The following ANKRD12 variants were observed in gnomAD, a reference collection of about 807,000 sequenced individuals.
The protein encoded by ANKRD12 is ankyrin repeat domain-containing protein 12.
In ANKRD12, 85 loss-of-function variants were observed where a neutral mutation model predicts 183.4. The ratio of observed to expected loss-of-function variants is 0.46; its 90% CI spans 0.39 to 0.56. The LOEUF is 0.56. Ranked by LOEUF, ANKRD12 falls within the 20% of genes least tolerant of loss-of-function variation. ANKRD12 has a pLI of 0.00. For synonymous variants in ANKRD12, 914 were observed against 800.2 expected (o/e 1.14, Z -2.40); for missense variants, 2,405 against 2,357.1 (o/e 1.02, Z -0.42).
At chr18:9,265,891 G>T (rs1290299620) in intron 10 of ANKRD12, among the ~76,000 whole-genome samples, 1 of 152,062 alleles carries the variant, frequency 6.6e-6, no homozygotes, top group Non-Finnish European at 1.5e-5. Flanking sequence ...TAGACGAATG[G>T]CTAACTAGAA....
At chr18:9,150,287 C>A (rs563005124) in intron 1 of ANKRD12, among the ~76,000 whole-genome samples, 1 of 152,062 alleles carries the variant, frequency 6.6e-6, no homozygotes, top group Non-Finnish European at 1.5e-5. Context: ...TATCTCGTTT[C>A]GTCTACCACT....
In ANKRD12 at chr18:9,280,943, C is replaced by G; in HGVS notation, c.6006C>G (p.Thr2002=). ...DVDDKFDKLK[T]CLLMRQQHEA... ...AACTCTTCTCTTCTTTTAAATAGAC[C>G]TGTCTTTTAATGAGGCAACAACATG... The change falls in exon 13 of 13, where the codon ACC becomes ACG. Residue 2002 remains threonine, a splice_region_variant and synonymous_variant. Transcript: ENST00000262126. 2 of 1,607,804 alleles carry G rather than the reference C, an allele frequency of 1.2e-6. No individual in the cohort carries two copies. Among genetic ancestry groups the G allele is most frequent in the Non-Finnish European group, 8.5e-7 (1 of 1,178,422 alleles).
At position 9,256,921 on chromosome 18, in the gene ANKRD12, T is replaced by C; in HGVS notation, c.3654T>C (p.Thr1218=). 2 of 1,614,096 alleles carry C rather than the reference T, an allele frequency of 1.2e-6. No homozygotes were observed. Among genetic ancestry groups the C allele is most frequent in the Non-Finnish European group, 1.7e-6 (2 of 1,179,990 alleles). ...SVASSEDSCH[T]TVTTPRPPVE... Reference sequence around the variant, plus strand: ...CTAGTTCAGAAGATTCCTGCCATACTACAGTGACAACCCCAAGGCCTCCAG... The same window carrying C: ...CTAGTTCAGAAGATTCCTGCCATACCACAGTGACAACCCCAAGGCCTCCAG... Residue 1218 remains threonine (T), a synonymous_variant, in exon 9 of 13, where the codon ACT becomes ACC. Coordinates refer to ENST00000262126, the MANE Select transcript of ANKRD12 (RefSeq NM_015208.5).
intron 6 of ANKRD12, among the ~76,000 whole-genome samples, chr18:9,214,003 A>T (rs1471615721): frequency 6.6e-6 from 1 of 152,030 alleles, no homozygotes; most frequent in Non-Finnish European, 1.5e-5. Flanking sequence ...CTTTTGTCAA[A>T]TAATTTAGCA....
At chr18:9,162,608 TC>T (rs1347800088) in intron 1 of ANKRD12, among the ~76,000 whole-genome samples, 1 of 152,166 alleles carries the variant, frequency 6.6e-6, no homozygotes, top group Non-Finnish European at 1.5e-5. Flanking sequence ...TGCCTCTAGA[TC>T]TTTGAGGAAT....
chr18:9,202,975 C>T (rs991048317), intron 3 of ANKRD12, among the ~76,000 whole-genome samples: 1 of 152,160 alleles, frequency 6.6e-6, no homozygotes, highest in African/African-American at 2.4e-5. Flanking sequence ...AGTTTATTCA[C>T]TGTGGTTTAA....
At chr18:9,224,063 A>G (rs1406672475) in intron 8 of ANKRD12, among the ~76,000 whole-genome samples, 1 of 152,236 alleles carries the variant, frequency 6.6e-6, no homozygotes, top group African/African-American at 2.4e-5. Context: ...TAGACAATAT[A>G]GCAGAATGAA....
intron 8 of ANKRD12, among the ~76,000 whole-genome samples, chr18:9,230,721 C>G (rs113170458): frequency 2.6e-5 from 4 of 151,608 alleles, no homozygotes; most frequent in African/African-American, 9.7e-5. Context: ...TGCAGTGGCA[C>G]GATCTCGGCT....
In ANKRD12 at chr18:9,284,976, G is replaced by A. The variant is rs370692105; in HGVS notation, c.*3850G>A. 5.3e-5 allele frequency: 8 copies of A among 152,356 alleles called. No homozygotes were observed. In the East Asian group the frequency reaches 9.6e-4, roughly 18 times the overall value. The allele number at this position is 152,356 out of a possible 1,614,324, so 9.4% of individuals were successfully genotyped here. A position where few individuals can be genotyped will look rare whatever the true frequency, so the allele number is the denominator to read the frequency against. On this transcript the variant is annotated 3_prime_UTR_variant, in exon 13 of 13. Transcript: ENST00000262126. ...AATCCCAGCACTTTGGGAGGCCAAG[G>A]CGGGCGGATCACGAGGTCAGGAGAT... is the stretch of plus-strand genomic sequence containing the variant.
At chr18:9,232,439 A>G (rs371055351) in intron 8 of ANKRD12, among the ~76,000 whole-genome samples, 13 of 152,216 alleles carry the variant, frequency 8.5e-5, no homozygotes, top group Admixed American at 3.9e-4. Flanking sequence ...TTATTTTCCT[A>G]TTATATCCTG....
At chr18:9,141,602 G>A (rs1024200896) in intron 1 of ANKRD12, among the ~76,000 whole-genome samples, 1 of 152,164 alleles carries the variant, frequency 6.6e-6, no homozygotes, top group African/African-American at 2.4e-5. Flanking sequence ...AGATTATGAA[G>A]CTGAAAGTTA....
At chr18:9,248,176 GA>G (rs1315775373) in intron 8 of ANKRD12, among the ~76,000 whole-genome samples, 2 of 152,170 alleles carry the variant, frequency 1.3e-5, no homozygotes, top group African/African-American at 4.8e-5. Flanking sequence ...TGAATGTTGG[GA>G]AGAAGAACTT....
rs759699486 is a variant in ANKRD12, at chr18:9,261,636, G to C, written c.5665-2154G>C. On this transcript the variant is annotated intron_variant, in intron 9 of 12. Coordinates refer to ENST00000262126, the MANE Select transcript of ANKRD12 (RefSeq NM_015208.5). ...CAAATTTGACAAAATGGTGTGAAAT[G>C]ATGACGACGAGAGTAATGGCAAAAC... Among the ~76,000 whole-genome samples, 9 of 152,314 alleles carry C rather than the reference G, an allele frequency of 5.9e-5. No homozygotes were observed. In the South Asian group the frequency reaches 1.2e-3, roughly 21 times the overall value.
intron 9 of ANKRD12, 33 bp downstream of exon 9, chr18:9,258,964 A>G: frequency 1.3e-6 from 2 of 1,550,626 alleles, no homozygotes. Flanking sequence ...ATACACCTGT[A>G]ACACTGCCCA....
chr18:9,268,939 T>C (rs1296901820), intron 10 of ANKRD12, among the ~76,000 whole-genome samples: 1 of 152,142 alleles, frequency 6.6e-6, no homozygotes, highest in African/African-American at 2.4e-5. Flanking sequence ...GGATGCAAAA[T>C]CAATGTGCAA....
At chr18:9,161,140 T>A (rs182197748) in intron 1 of ANKRD12, among the ~76,000 whole-genome samples, 1,749 of 152,130 alleles carry the variant, frequency 0.011, 16 homozygotes, top group Non-Finnish European at 0.019. Context: ...TTAAATTTTT[T>A]AAAAACTCCT....
At chr18:9,170,347 A>C (rs867501198) in intron 1 of ANKRD12, among the ~76,000 whole-genome samples, 20 of 152,170 alleles carry the variant, frequency 1.3e-4, no homozygotes, top group African/African-American at 4.8e-4. Context: ...CTTTCAGGTA[A>C]ACCAGTCAGA....
chr18:9,275,481 T>TTTA (rs751391675), intron 10 of ANKRD12, 43 bp from the exon 11 acceptor site: 1 of 1,580,474 alleles, frequency 6.3e-7, no homozygotes, highest in African/African-American at 1.4e-5. Context: ...TAAACAAAAA[T>TTTA]TTGTTGAAGA....
chr18:9,262,949 CCACCA>C (rs1363769534), intron 9 of ANKRD12, among the ~76,000 whole-genome samples: 1 of 151,914 alleles, frequency 6.6e-6, no homozygotes, highest in Admixed American at 6.6e-5. Context: ...CAGGCATGTG[CCACCA>C]CACCTGGCTA....
Sources: gnomAD v4.1 joint callset for allele counts (sites outside exome capture counted in the v4.1 genomes callset) on GRCh38, gnomAD v4.1.1 for gene constraint, MANE v1.5 for transcripts, NCBI Gene and HGNC (gene_info 2026-07-23, HGNC 2026-07-21) for gene names.